WDR26: variants seen among roughly 807,000 people sequenced by gnomAD.
WDR26 encodes the protein WD repeat-containing protein 26.
Under a neutral mutation model 84.1 loss-of-function variants are expected in WDR26, and 5 were observed. The observed-to-expected ratio is 0.06, with a 90% CI of 0.03 to 0.13. The LOEUF (loss-of-function observed/expected upper bound fraction) is 0.13, where lower values mean the gene tolerates loss of function less well. Ranked by LOEUF, WDR26 falls within the 10% of genes least tolerant of loss-of-function variation. WDR26 has a pLI of 1.00. For missense variants in WDR26, 642 were observed against 974.9 expected, an observed-to-expected ratio of 0.66 and a Z score of 4.55; for synonymous variants, 415 against 389.6, an observed-to-expected ratio of 1.07 and a Z score of -0.77.
At chr1:224,424,262 T>C (rs1674149473) in intron 4 of WDR26, among the ~76,000 whole-genome samples, 1 of 152,208 alleles carries the variant, frequency 6.6e-6, no homozygotes. Context: ...TAATAGGGTT[T>C]TCATAGAACA....
chr1:224,400,928 G>C (rs754267504), intron 9 of WDR26, 22 bp downstream of exon 9: 2 of 1,606,916 alleles, frequency 1.2e-6, no homozygotes, highest in Non-Finnish European at 1.7e-6. Context: ...CAGATACTGG[G>C]AAGGGGGCAC....
In WDR26 at chr1:224,411,414, T is replaced by C. The variant is rs200131080; in HGVS notation, c.1458+13A>G. On this transcript the variant is annotated intron_variant, in intron 7 of 13. Transcript: ENST00000414423. Reference sequence around the variant, plus strand: ...CCCTTTTGTAATATAAACACTCATATTGGGGTACATACCGGATCAACTTGC... The same window carrying C: ...CCCTTTTGTAATATAAACACTCATACTGGGGTACATACCGGATCAACTTGC... The C allele has an allele frequency of 6.2e-5, 99 of 1,599,288 alleles. 1 individual carries two copies. In the Middle Eastern group the frequency reaches 2.5e-3, roughly 40 times the overall value.
At chr1:224,413,255 T>C in intron 6 of WDR26, 1 of 1,195,086 alleles carries the variant, frequency 8.4e-7, no homozygotes, top group South Asian at 1.5e-5. Context: ...GGATACACCT[T>C]TAAGTGTATC....
In WDR26 at chr1:224,387,706, G is replaced by T. The variant is rs1215999711; in HGVS notation, c.*2129C>A. On this transcript the variant is annotated 3_prime_UTR_variant, in exon 14 of 14. Transcript: ENST00000414423. ...GTAACCAAATTTGTAAACAGCTGTG[G>T]AGTTTCTATGCCCACATTTAGTGAT... 6.6e-6 allele frequency: 1 copy of T among 152,524 alleles called. No individual in the cohort carries two copies. Among genetic ancestry groups the T allele is most frequent in the Non-Finnish European group, 1.5e-5 (1 of 68,026 alleles). 9.4% of individuals were successfully genotyped at this position (152,524 alleles called of 1,614,324 possible).
At position 224,389,870 on chromosome 1, in the gene WDR26, G is replaced by T; in HGVS notation, c.2261-10C>A. 1.8e-6 allele frequency: 1 copy of T among 565,904 alleles called. No homozygotes were observed. Among genetic ancestry groups the T allele is most frequent in the Non-Finnish European group, 2.6e-6 (1 of 381,194 alleles). The allele number at this position is 565,904 out of a possible 1,614,324, so 35.1% of individuals were successfully genotyped here. On this transcript the variant is annotated splice_polypyrimidine_tract_variant and intron_variant, in intron 13 of 13. Transcript: ENST00000414423. Reference sequence around the variant, plus strand: ...ATGCTACTGCATTCCTCTGAATGAAGACAAGATGAAATGTATGGGGGGCGG... The same window carrying T: ...ATGCTACTGCATTCCTCTGAATGAATACAAGATGAAATGTATGGGGGGCGG...
intron 3 of WDR26, among the ~76,000 whole-genome samples, chr1:224,425,610 A>G (rs1674187548): frequency 6.6e-6 from 1 of 152,206 alleles, no homozygotes; most frequent in Non-Finnish European, 1.5e-5. Flanking sequence ...ACAAGAGAAA[A>G]GGGATATTTA....
rs1405694175 is a variant in WDR26 at position 224,385,457 on chromosome 1, A to T, written c.*4378T>A. On this transcript the variant is annotated 3_prime_UTR_variant, in exon 14 of 14. Transcript: ENST00000414423. Reference sequence around the variant, plus strand: ...ACTAAGTAAATATAATCTGAGAGGCAGTTAAAAAAACAAAAATCAAAACCC... The same window carrying T: ...ACTAAGTAAATATAATCTGAGAGGCTGTTAAAAAAACAAAAATCAAAACCC... 6.6e-6 allele frequency: 1 copy of T among 152,660 alleles called. No homozygotes were observed. The highest frequency in any genetic ancestry group is 1.5e-5 in the Non-Finnish European group (1 of 68,046). 9.5% of individuals were successfully genotyped at this position (152,660 alleles called of 1,614,324 possible).
chr1:224,429,291 C>CA (rs778152982), intron 3 of WDR26: 101 of 150,048 alleles, frequency 6.7e-4, no homozygotes, highest in South Asian at 1.1e-3. Context: ...AACAAACAGA[C>CA]AAAAAAAACA....
At chr1:224,429,937 G>A (rs934448587) in intron 3 of WDR26, 6 of 152,142 alleles carry the variant, frequency 3.9e-5, no homozygotes, top group African/African-American at 7.2e-5. Context: ...TAATTTGGGC[G>A]AAGCTTAAAC....
intron 3 of WDR26, 97 bp from the exon 4 acceptor site, chr1:224,424,751 G>T: frequency 6.8e-7 from 1 of 1,476,348 alleles, no homozygotes; most frequent in Non-Finnish European, 9.3e-7. Context: ...ATTCTACTAT[G>T]CCCTTTGAAA....
Position 224,391,394 on chromosome 1 carries a change from A to C in WDR26, c.2261-1534T>G, listed in dbSNP as rs868662500. 6.7e-3 allele frequency among the ~76,000 whole-genome samples: 930 copies of C among 137,888 alleles called. 8 individuals carry two copies. The highest frequency in any genetic ancestry group is 0.023 in the African/African-American group (862 of 37,124). The allele number at this position is 137,888 out of a possible 152,430, so 90.5% of individuals were successfully genotyped here. A position where few individuals can be genotyped will look rare whatever the true frequency, so the allele number is the denominator to read the frequency against. Reference sequence around the variant, plus strand: ...AAAAAAAAAAAAAAACAAAAAAAAAACCTTAATTCTACTGTTAAAATTTTA... The same window carrying C: ...AAAAAAAAAAAAAAACAAAAAAAAACCCTTAATTCTACTGTTAAAATTTTA... On this transcript the variant is annotated intron_variant, in intron 13 of 13. Transcript: ENST00000414423.
At chr1:224,411,793 C>T (rs934112554) in intron 6 of WDR26, among the ~76,000 whole-genome samples, 2 of 151,660 alleles carry the variant, frequency 1.3e-5, no homozygotes, top group South Asian at 4.1e-4. Flanking sequence ...GTAGCCCTGA[C>T]CGCCTGGGGT....
At position 224,431,773 on chromosome 1, in the gene WDR26, A is replaced by G. The variant is rs1318114179; in HGVS notation, c.731T>C (p.Val244Ala). The change falls in exon 2 of 14, where the codon GTT (valine) becomes GCT (alanine). Residue 244 changes from valine to alanine, a missense_variant. By Grantham distance (64) the Val-to-Ala change is moderately conservative (BLOSUM62 0). Coordinates refer to ENST00000414423, the MANE Select transcript of WDR26 (RefSeq NM_001379403.1). ...TCCTGACTCTTGCATGAGGAGATCA[A>G]CAGTCTGGCTGCAGGAAAGATACAG... The G allele has an allele frequency of 6.2e-7, 1 of 1,609,636 alleles. No individual in the cohort carries two copies. Among genetic ancestry groups the G allele is most frequent in the Admixed American group, 1.7e-5 (1 of 59,834 alleles).
At chr1:224,389,968 T>C in intron 13 of WDR26, 108 bp from the exon 14 acceptor site, 1 of 724,200 alleles carries the variant, frequency 1.4e-6, no homozygotes, top group Non-Finnish European at 2.2e-6. Flanking sequence ...ATTATGACAT[T>C]ACAAAATTAT....
At chr1:224,428,508 A>G (rs977796169) in intron 3 of WDR26, among the ~76,000 whole-genome samples, 2 of 152,322 alleles carry the variant, frequency 1.3e-5, no homozygotes, top group East Asian at 1.9e-4. Flanking sequence ...AAATAACCAA[A>G]TATTTCTAGA....
chr1:224,394,137 G>T, intron 12 of WDR26, 124 bp from the exon 13 acceptor site: 1 of 678,088 alleles, frequency 1.5e-6, no homozygotes, highest in Non-Finnish European at 2.2e-6. Context: ...AATATACCAT[G>T]AATAGTTTAA....
At chr1:224,401,190 G>C (rs114188625) in intron 8 of WDR26, 121 bp from the exon 9 acceptor site, 2 of 921,918 alleles carry the variant, frequency 2.2e-6, no homozygotes, top group South Asian at 1.8e-5. Context: ...GTAGAGTAAT[G>C]AATTAAGTGA....
intron 11 of WDR26, 90 bp downstream of exon 11, chr1:224,398,425 A>G (rs950675621): frequency 7.6e-7 from 1 of 1,316,378 alleles, no homozygotes; most frequent in African/African-American, 1.5e-5. Context: ...TAAGTAGAAA[A>G]TTTTGTTAAT....
In WDR26 at chr1:224,424,596, A is replaced by C; in HGVS notation, c.986T>G (p.Val329Gly). Residue 329 changes from valine (V) to glycine (G), a missense_variant, in exon 4 of 14, where the codon GTC becomes GGC. This residue lies in a region of WDR26 where 351 missense variants were observed against 672.8 expected (regional missense o/e 0.52). Coordinates refer to ENST00000414423, the MANE Select transcript of WDR26 (RefSeq NM_001379403.1). ...GCGTAGAACTTGAAGTGCCTCCAGG[A>C]CCTTGCCATCCTCCAGGTATTCTAG... is the stretch of plus-strand genomic sequence containing the variant. The C allele has an allele frequency of 6.2e-7, 1 of 1,614,166 alleles. No homozygotes were observed. The highest frequency in any genetic ancestry group is 8.5e-7 in the Non-Finnish European group (1 of 1,180,012).
Sources: allele counts gnomAD v4.1 joint callset (sites outside exome capture counted in the v4.1 genomes callset), GRCh38; gene constraint gnomAD v4.1.1; regional missense constraint gnomAD v4.1.1; transcripts MANE v1.5; gene names NCBI Gene and HGNC (gene_info 2026-07-23, HGNC 2026-07-21).